Variants in PLA2G4F observed in about 807,000 individuals in gnomAD.
PLA2G4F encodes the protein cytosolic phospholipase A2 zeta.
PLA2G4F carries 105 observed loss-of-function variants against 103.1 expected under a neutral mutation model. That is an observed-to-expected ratio of 1.02 (90% CI 0.87 to 1.20). The LOEUF (loss-of-function observed/expected upper bound fraction) is 1.20, where lower values mean the gene tolerates loss of function less well. Among genes scored for constraint, PLA2G4F ranks in the 50% most tolerant of loss-of-function variants. The probability of loss-of-function intolerance (pLI) is 0.00; values close to 1 mark genes in which losing one functional copy is unlikely to be tolerated. For synonymous variants in PLA2G4F, 468 were observed against 441.1 expected (o/e 1.06, Z -0.76); for missense variants, 1,155 against 1,075.9 (o/e 1.07, Z -1.03).
rs753907831 is a variant in PLA2G4F at position 42,141,989 on chromosome 15, C to T, written c.2545G>A (p.Ala849Thr). Residue 849 changes from alanine to threonine, a missense_variant, in exon 20 of 20, where the codon GCC becomes ACC. Ala to Thr is a moderately conservative substitution (Grantham distance 58, BLOSUM62 0). Around this residue, in one of 3 missense-constraint regions of PLA2G4F, gnomAD observed 782 missense variants for 692.9 expected, o/e 1.13. Transcript: ENST00000397272. ...DRHQARERAG[A>T] The stretch of plus-strand genomic sequence containing the variant: ...TCCTCCGCTTCCTGCCTTGGTCAGG[C>T]CCCTGCCCTCTCCCGAGCCTGGTGC... 14 of 1,613,060 alleles carry T rather than the reference C, an allele frequency of 8.7e-6. No individual in the cohort carries two copies. In the Admixed American group the frequency reaches 1.8e-4, roughly 21 times the overall value.
chr15:42,145,724 C>T, intron 15 of PLA2G4F, 42 bp from the exon 16 acceptor site: 6 of 1,613,536 alleles, frequency 3.7e-6, no homozygotes, highest in Middle Eastern at 1.7e-4. Context: ...CAGGGCCTGG[C>T]CCCGGCACCT....
In PLA2G4F at chr15:42,144,069, G is replaced by C. The variant is rs753902761; in HGVS notation, c.2051C>G (p.Ala684Gly). 1 of 1,613,976 alleles carries C rather than the reference G, an allele frequency of 6.2e-7. No homozygotes were observed. The change falls in exon 18 of 20, where the codon GCC (alanine) becomes GGC (glycine). Residue 684 changes from alanine to glycine, a missense_variant. Ala to Gly is a moderately conservative substitution (Grantham distance 60, BLOSUM62 0). Transcript: ENST00000397272. ...DCLYLVDGGFAINSPFPLALL... is the reference protein window; with the variant it reads ...DCLYLVDGGFGINSPFPLALL... The stretch of plus-strand genomic sequence containing the variant: ...AGCCAGTGGGAACGGAGAGTTGATG[G>C]CAAAGCCTCCGTCCACCAGGTACAG...
chr15:42,148,198 A>AAG lies in PLA2G4F; in HGVS notation c.1060-438_1060-437dup, dbSNP rs1306518420. On this transcript the variant is annotated intron_variant, in intron 11 of 19. Transcript: ENST00000397272. ...CTCCGTCTCAAAAAAAAAAAAAAAA[A>AAG]AGAGAGAACCCCATTTTCCAGATGT... 2.0e-5 allele frequency among the ~76,000 whole-genome samples: 3 copies of AAG among 151,676 alleles called. 1 individual carries two copies. The highest frequency in any genetic ancestry group is 4.2e-4 in the South Asian group (2 of 4,778).
In PLA2G4F at chr15:42,145,914, G is replaced by C. The variant is rs200161525; in HGVS notation, c.1535-11C>G. On this transcript the variant is annotated splice_polypyrimidine_tract_variant and intron_variant, in intron 14 of 19. Transcript: ENST00000397272. ...TGAACTCGCACCACTCTAGGGGCCC[G>C]AGTGAAGGGAAAGTCACCAGGGGCT... is the stretch of plus-strand genomic sequence containing the variant. 2.1e-4 allele frequency: 341 copies of C among 1,613,032 alleles called. 2 individuals carry two copies. In the East Asian group the frequency reaches 5.8e-3, roughly 27 times the overall value.
chr15:42,141,924 A>G lies in PLA2G4F; in HGVS notation c.*60T>C. On this transcript the variant is annotated 3_prime_UTR_variant, in exon 20 of 20. Coordinates refer to ENST00000397272, the MANE Select transcript of PLA2G4F (RefSeq NM_213600.4). The stretch of plus-strand genomic sequence containing the variant: ...GAGTCCCCATCGCTCCTCCCTCTAC[A>G]AGCCCTGACCATGAGCAGTGTGTCT... The G allele has an allele frequency of 6.6e-7, 1 of 1,513,768 alleles. No homozygotes were observed. Among genetic ancestry groups the G allele is most frequent in the Non-Finnish European group, 9.1e-7 (1 of 1,102,188 alleles). The allele number at this position is 1,513,768 out of a possible 1,614,324, so 93.8% of individuals were successfully genotyped here. A position where few individuals can be genotyped will look rare whatever the true frequency, so the allele number is the denominator to read the frequency against.
At chr15:42,155,321 T>C (rs1286324140) in intron 2 of PLA2G4F, among the ~76,000 whole-genome samples, 196 bp downstream of exon 2, 1 of 151,066 alleles carries the variant, frequency 6.6e-6, no homozygotes, top group East Asian at 2.0e-4. Flanking sequence ...TATACACATG[T>C]ACTCACACTT....
rs2048816447 is a variant in PLA2G4F, at chr15:42,140,206, C to T, written c.*1778G>A. ...TCATTTATCAAATATTTACTGAGCACCTACCATGTATCAACTGCTGCTCTA... is the reference window on the plus strand; with the variant it reads ...TCATTTATCAAATATTTACTGAGCATCTACCATGTATCAACTGCTGCTCTA... On this transcript the variant is annotated 3_prime_UTR_variant, in exon 20 of 20. Coordinates refer to ENST00000397272, the MANE Select transcript of PLA2G4F (RefSeq NM_213600.4). The T allele has an allele frequency of 6.6e-6, 1 of 152,172 alleles. No homozygotes were observed. The highest frequency in any genetic ancestry group is 2.4e-5 in the African/African-American group (1 of 41,432). The allele number at this position is 152,172 out of a possible 1,614,324, so 9.4% of individuals were successfully genotyped here.
In PLA2G4F at chr15:42,142,531, G is replaced by A. The variant is rs761732195; in HGVS notation, c.2326C>T (p.Pro776Ser). ...VNRTFRTHLAPGVERQTAEEK... is the reference protein window; with the variant it reads ...VNRTFRTHLASGVERQTAEEK... ...CCAGGCCTGGAGCTTCCCTTACCTGGGGCCAGGTGTGTGCGGAAGGTACGG... is the reference window on the plus strand; with the variant it reads ...CCAGGCCTGGAGCTTCCCTTACCTGAGGCCAGGTGTGTGCGGAAGGTACGG... The change falls in exon 19 of 20, where the codon CCA becomes TCA. Residue 776 changes from proline (P) to serine (S), a missense_variant. Pro to Ser is a moderately conservative substitution (Grantham distance 74). This residue lies in a region of PLA2G4F where 782 missense variants were observed against 692.9 expected (regional missense o/e 1.13). Coordinates refer to ENST00000397272, the MANE Select transcript of PLA2G4F (RefSeq NM_213600.4). The A allele has an allele frequency of 1.2e-6, 2 of 1,611,576 alleles. No homozygotes were observed. Among genetic ancestry groups the A allele is most frequent in the South Asian group, 2.2e-5 (2 of 90,888 alleles).
chr15:42,155,504 T>C lies in PLA2G4F; in HGVS notation c.184+13A>G. The C allele has an allele frequency of 6.2e-7, 1 of 1,613,672 alleles. No individual in the cohort carries two copies. ...GAAAGGACAGAGAGAAGGATGGAGA[T>C]GGGGTCACTCACGCAGGTCTGTGCC... On this transcript the variant is annotated intron_variant, in intron 2 of 19. Transcript: ENST00000397272.
Position 42,150,591 on chromosome 15 carries a change from C to A in PLA2G4F, c.771+17G>T, listed in dbSNP as rs1275649977. 6.3e-7 allele frequency: 1 copy of A among 1,598,088 alleles called. No individual in the cohort carries two copies. The highest frequency in any genetic ancestry group is 8.5e-7 in the Non-Finnish European group (1 of 1,171,602). On this transcript the variant is annotated intron_variant, in intron 8 of 19. Coordinates refer to ENST00000397272, the MANE Select transcript of PLA2G4F (RefSeq NM_213600.4). ...GGGCTGAGTTGGATCTACCGACCAT[C>A]CTGGCGGCGCACTCACCTGCACAGC...
rs1017013835 is a variant in PLA2G4F at position 42,140,471 on chromosome 15, C to G, written c.*1513G>C. On this transcript the variant is annotated 3_prime_UTR_variant, in exon 20 of 20. Transcript: ENST00000397272. ...GCCAGATAAACTCCCAGATAAACCT[C>G]TCACTGCTGAACCAAGGGGAGGGGC... 1 of 152,338 alleles carries G rather than the reference C, an allele frequency of 6.6e-6. No individual in the cohort carries two copies. Among genetic ancestry groups the G allele is most frequent in the Non-Finnish European group, 1.5e-5 (1 of 68,134 alleles). The allele number at this position is 152,338 out of a possible 1,614,324, so 9.4% of individuals were successfully genotyped here.
chr15:42,147,890 C>A, intron 11 of PLA2G4F, 128 bp from the exon 12 acceptor site: 2 of 1,382,708 alleles, frequency 1.4e-6, no homozygotes, highest in South Asian at 1.4e-5. Context: ...CACAGCAACC[C>A]AATGAGAACC....
chr15:42,148,315 T>C (rs192460049), intron 11 of PLA2G4F, among the ~76,000 whole-genome samples: 329 of 152,178 alleles, frequency 2.2e-3, no homozygotes, highest in African/African-American at 7.6e-3. Context: ...GCTCCAGAGA[T>C]AGCCCTTAAC....
Position 42,144,140 on chromosome 15 carries a change from T to C in PLA2G4F, c.1980A>G (p.Thr660=). Residue 660 remains threonine (T), a synonymous_variant, in exon 18 of 20, where the codon ACA becomes ACG. Transcript: ENST00000397272. ...AGREFVAWKD[T]HPDAFPNQLT... ...GCTGGTTGGGGAAGGCGTCCGGGTG[T>C]GTGTCTGCAAGGAACCCATGTGTAC... 1 of 1,607,830 alleles carries C rather than the reference T, an allele frequency of 6.2e-7. No individual in the cohort carries two copies. The highest frequency in any genetic ancestry group is 1.1e-5 in the South Asian group (1 of 90,018).
chr15:42,150,067 C>G (rs752858650), intron 10 of PLA2G4F, 37 bp downstream of exon 10: 1 of 1,613,956 alleles, frequency 6.2e-7, no homozygotes. Flanking sequence ...ACTTCTAGCC[C>G]AGCCCCAAGA....
intron 18 of PLA2G4F, among the ~76,000 whole-genome samples, chr15:42,143,245 A>C (rs2141125319): frequency 6.6e-6 from 1 of 151,530 alleles, no homozygotes; most frequent in East Asian, 1.9e-4. Flanking sequence ...AACAATAATC[A>C]GTAATGATCA....
At chr15:42,150,550 C>G in intron 8 of PLA2G4F, 58 bp downstream of exon 8, 3 of 1,596,272 alleles carry the variant, frequency 1.9e-6, no homozygotes, top group Non-Finnish European at 2.6e-6. Context: ...CCAACGTGGC[C>G]CTGGAACGCC....
chr15:42,156,349 A>C, intron 1 of PLA2G4F, 90 bp downstream of exon 1: 11 of 1,065,078 alleles, frequency 1.0e-5, no homozygotes, highest in Non-Finnish European at 1.5e-5. Context: ...CTCAAAACCC[A>C]GGGCTGGGGC....
In PLA2G4F at chr15:42,145,905, T is replaced by G; in HGVS notation, c.1535-2A>C. 6.2e-7 allele frequency: 1 copy of G among 1,613,688 alleles called. No homozygotes were observed. Among genetic ancestry groups the G allele is most frequent in the Non-Finnish European group, 8.5e-7 (1 of 1,179,846 alleles). ...CATAGGGCGTGAACTCGCACCACTC[T>G]AGGGGCCCGAGTGAAGGGAAAGTCA... On this transcript the variant is annotated splice_acceptor_variant, in intron 14 of 19. Transcript: ENST00000397272. LOFTEE classifies it high-confidence loss of function.
Sources: allele counts gnomAD v4.1 joint callset (sites outside exome capture counted in the v4.1 genomes callset), GRCh38; gene constraint gnomAD v4.1.1; regional missense constraint gnomAD v4.1.1; transcripts MANE v1.5; gene names NCBI Gene and HGNC (gene_info 2026-07-23, HGNC 2026-07-21).